Variants in SLC35F4 observed in about 807,000 individuals in gnomAD.
SLC35F4 encodes the protein solute carrier family 35 member F4, also known as chromosome 14 open reading frame 36.
A neutral mutation model predicts 44.2 loss-of-function variants in SLC35F4; 24 were observed. That is an observed-to-expected ratio of 0.54 (90% CI 0.39 to 0.76). SLC35F4 has a LOEUF of 0.76. Among genes scored for constraint, SLC35F4 ranks in the 30% least tolerant of loss-of-function variants. The pLI is 0.00. For synonymous variants in SLC35F4, 238 were observed against 223.6 expected (o/e 1.06, Z -0.57); for missense variants, 562 against 586.1 (o/e 0.96, Z 0.42).
In SLC35F4 at chr14:57,589,174, CA is replaced by C. The variant is rs760975606; in HGVS notation, c.587+41del. 3.3e-6 allele frequency: 5 copies of C among 1,535,112 alleles called. No homozygotes were observed. The South Asian group carries it at 5.3e-5, about 16-fold the overall frequency. On this transcript the variant is annotated intron_variant, in intron 3 of 7. Transcript: ENST00000556826. ...TAAAAATAGGCATATTTTCATAAAA[CA>C]TTTCAATGATCTCTTATTGGGCAGT...
At chr14:57,644,657 G>A (rs2073418534) in intron 1 of SLC35F4, among the ~76,000 whole-genome samples, 1 of 152,122 alleles carries the variant, frequency 6.6e-6, no homozygotes, top group Non-Finnish European at 1.5e-5. Context: ...TGTTGCCATT[G>A]CTTTTGGTGT....
At chr14:57,844,940 CA>C (rs1288986068) in intron 1 of SLC35F4, among the ~76,000 whole-genome samples, 41 of 131,782 alleles carry the variant, frequency 3.1e-4, no homozygotes, top group African/African-American at 1.4e-3. Flanking sequence ...TCTCTTCCCC[CA>C]CCCCCCCATG....
At chr14:57,586,345 T>C (rs992886501) in intron 3 of SLC35F4, among the ~76,000 whole-genome samples, 18 of 152,140 alleles carry the variant, frequency 1.2e-4, no homozygotes, top group Non-Finnish European at 2.4e-4. Context: ...GATTAAAGAC[T>C]TAAACGTAAG....
chr14:57,737,260 G>A (rs1196696877), intron 1 of SLC35F4, among the ~76,000 whole-genome samples: 1 of 152,012 alleles, frequency 6.6e-6, no homozygotes, highest in African/African-American at 2.4e-5. Flanking sequence ...TTCCAAATTG[G>A]TTCCAGTCAG....
At chr14:57,590,090 T>C (rs1446406165) in intron 2 of SLC35F4, among the ~76,000 whole-genome samples, 3 of 151,638 alleles carry the variant, frequency 2.0e-5, no homozygotes, top group African/African-American at 7.3e-5. Context: ...TTTTTTTTTT[T>C]TTTACGTTAT....
chr14:57,872,595 C>T (rs1055713667), intron 1 of SLC35F4, among the ~76,000 whole-genome samples: 10 of 152,144 alleles, frequency 6.6e-5, no homozygotes, highest in African/African-American at 2.4e-4. Flanking sequence ...GGTGCTGAGA[C>T]ATGAAAATGC....
chr14:57,720,979 C>CATATATATATATATAT (rs3062932), intron 1 of SLC35F4, among the ~76,000 whole-genome samples: 4 of 49,802 alleles, frequency 8.0e-5, no homozygotes, highest in Non-Finnish European at 1.6e-4. Context: ...ATAAACTCCT[C>CATATATATATATATAT]ATATATATAT....
chr14:57,835,190 A>G (rs1397802373), intron 1 of SLC35F4, among the ~76,000 whole-genome samples: 1 of 152,224 alleles, frequency 6.6e-6, no homozygotes, highest in Non-Finnish European at 1.5e-5. Flanking sequence ...GGCCCCTCCC[A>G]TCTCCTTCAG....
intron 1 of SLC35F4, among the ~76,000 whole-genome samples, chr14:57,665,467 G>C (rs964103985): frequency 2.6e-5 from 4 of 152,140 alleles, no homozygotes; most frequent in Non-Finnish European, 4.4e-5. Flanking sequence ...GGCAACTAAA[G>C]TTCAGGGATG....
chr14:57,626,038 T>C (rs980091990), intron 1 of SLC35F4, among the ~76,000 whole-genome samples: 5 of 150,596 alleles, frequency 3.3e-5, no homozygotes, highest in African/African-American at 1.2e-4. Flanking sequence ...TGGATGAAGC[T>C]GGAAACCATC....
chr14:57,824,078 A>T (rs1489297498), intron 1 of SLC35F4, among the ~76,000 whole-genome samples: 1 of 152,168 alleles, frequency 6.6e-6, no homozygotes, highest in Non-Finnish European at 1.5e-5. Flanking sequence ...GACCATTTTC[A>T]TGCTTTTAGA....
chr14:57,581,583 C>A, intron 3 of SLC35F4, 150 bp from the exon 4 acceptor site: 1 of 721,790 alleles, frequency 1.4e-6, no homozygotes, highest in Non-Finnish European at 2.2e-6. Context: ...CTGAAATCTG[C>A]GGGCTTCAGG....
At chr14:57,668,455 T>C (rs542512472) in intron 1 of SLC35F4, among the ~76,000 whole-genome samples, 13 of 152,250 alleles carry the variant, frequency 8.5e-5, no homozygotes, top group African/African-American at 2.9e-4. Flanking sequence ...AGGGTTTTTA[T>C]GGTTTTAGGT....
chr14:57,864,608 G>A (rs750310891), intron 1 of SLC35F4, among the ~76,000 whole-genome samples: 10 of 152,274 alleles, frequency 6.6e-5, no homozygotes, highest in South Asian at 2.1e-4. Flanking sequence ...GAATTTTTGT[G>A]GGTCCCACGC....
At position 57,782,503 on chromosome 14, in the gene SLC35F4, T is replaced by C. The variant is rs139614989; in HGVS notation, c.103+83220A>G. ...TGCAAAGTTAAAATTTATTAAAATC[T>C]ATGGGTAAACAGAGACCATACATGG... On this transcript the variant is annotated intron_variant, in intron 1 of 7. Transcript: ENST00000556826. Among the ~76,000 whole-genome samples, 468 of 152,354 alleles carry C rather than the reference T, an allele frequency of 3.1e-3. 4 individuals carry two copies. The highest frequency in any genetic ancestry group is 0.02 in the Middle Eastern group (6 of 294).
chr14:57,667,038 G>A (rs2074333886), intron 1 of SLC35F4, among the ~76,000 whole-genome samples: 1 of 152,140 alleles, frequency 6.6e-6, no homozygotes, highest in Admixed American at 6.6e-5. Flanking sequence ...TCAGGTACAT[G>A]TGACTTTTGA....
At chr14:57,830,778 G>A (rs1884287217) in intron 1 of SLC35F4, among the ~76,000 whole-genome samples, 1 of 152,146 alleles carries the variant, frequency 6.6e-6, no homozygotes, top group African/African-American at 2.4e-5. Flanking sequence ...GACCATGGCT[G>A]GAGGTGTTGC....
intron 1 of SLC35F4, among the ~76,000 whole-genome samples, chr14:57,784,462 T>C (rs1012998172): frequency 2.0e-5 from 3 of 152,132 alleles, no homozygotes; most frequent in Non-Finnish European, 4.4e-5. Flanking sequence ...GGCAGGAGGA[T>C]TGCTTGAGGC....
intron 1 of SLC35F4, among the ~76,000 whole-genome samples, chr14:57,841,879 T>G (rs542371465): frequency 2.6e-4 from 39 of 152,320 alleles, no homozygotes; most frequent in South Asian, 6.2e-4. Flanking sequence ...TTAAAATTTT[T>G]TATGTGCTGA....
Sources: gnomAD v4.1 joint callset for allele counts (sites outside exome capture counted in the v4.1 genomes callset) on GRCh38, gnomAD v4.1.1 for gene constraint, MANE v1.5 for transcripts, NCBI Gene and HGNC (gene_info 2026-07-23, HGNC 2026-07-21) for gene names.